SPAG17: variants seen among roughly 807,000 people sequenced by gnomAD.
SPAG17 encodes the protein sperm-associated antigen 17.
Under a neutral mutation model 273.6 loss-of-function variants are expected in SPAG17, and 169 were observed. That is an observed-to-expected ratio of 0.62 (90% confidence interval 0.55 to 0.70). SPAG17 has a LOEUF of 0.70. SPAG17 is among the 30% of genes least tolerant of loss of function. SPAG17 has a pLI of 0.00. For missense variants in SPAG17, 2,557 were observed against 2,627.8 expected (o/e 0.97, Z 0.59); for synonymous variants, 825 against 873.2 (o/e 0.94, Z 0.97).
At chr1:118,123,939 G>C (rs928286582) in intron 3 of SPAG17, among the ~76,000 whole-genome samples, 1 of 152,170 alleles carries the variant, frequency 6.6e-6, no homozygotes, top group African/African-American at 2.4e-5. Context: ...AATTTCCTAC[G>C]GGAGGTGTAC....
intron 4 of SPAG17, among the ~76,000 whole-genome samples, chr1:118,111,481 T>C (rs1656748932): frequency 6.6e-6 from 1 of 151,666 alleles, no homozygotes; most frequent in Admixed American, 6.6e-5. Context: ...TCTGAAGATT[T>C]TAACCACAAC....
rs148831157 is a variant in SPAG17, at chr1:117,984,716, A to T, written c.5736T>A (p.Phe1912Leu). The T allele has an allele frequency of 3.1e-4, 501 of 1,609,018 alleles. 1 individual carries two copies. The African/African-American group carries it at 4.9e-3, about 16-fold the overall frequency. ...GATATAACTGGTTCAATTCAGATTT[A>T]AAAAAGGGTGGTATTATGCGGTTCT... is the stretch of plus-strand genomic sequence containing the variant. Reference protein sequence around the residue: ...DIKNRIIPPFFKSELNQLYQS... With the variant: ...DIKNRIIPPFLKSELNQLYQS... The change falls in exon 41 of 49, where the codon TTT becomes TTA. Residue 1912 changes from phenylalanine (F) to leucine (L), a missense_variant. By Grantham distance (22) the Phe-to-Leu change is conservative. Transcript: ENST00000336338.
chr1:117,978,044 A>G (rs1655329037), intron 43 of SPAG17, among the ~76,000 whole-genome samples: 1 of 152,122 alleles, frequency 6.6e-6, no homozygotes, highest in African/African-American at 2.4e-5. Context: ...CATTTTCAAA[A>G]TCTGTTTCCA....
Position 118,101,762 on chromosome 1 carries a change from GTCT to G in SPAG17, c.609_611del (p.Glu203del). 1 of 1,613,754 alleles carries G rather than the reference GTCT, an allele frequency of 6.2e-7. No homozygotes were observed. On this transcript the variant is annotated inframe_deletion, in exon 5 of 49. Transcript: ENST00000336338. ...GACCAATGTAACGATTGGTGTGGTC[GTCT>G]TCTCCTCTCCGCTTTAACTGGGTGG...
At position 117,998,883 on chromosome 1, in the gene SPAG17, C is replaced by CA. The variant is rs1180364462; in HGVS notation, c.4777-2141dup. On this transcript the variant is annotated intron_variant, in intron 32 of 48. Coordinates refer to ENST00000336338, the MANE Select transcript of SPAG17 (RefSeq NM_206996.4). ...TTAAATTCTAGGGCACATGTGCGTG[C>CA]AGGCTTGATACATAGGTATACATGT... Among the ~76,000 whole-genome samples, 11 of 152,142 alleles carry CA rather than the reference C, an allele frequency of 7.2e-5. No homozygotes were observed. In the East Asian group the frequency reaches 2.1e-3, roughly 30 times the overall value.
Position 118,081,122 on chromosome 1 carries a change from G to T in SPAG17, c.2188C>A (p.Gln730Lys), listed in dbSNP as rs1353505764. ...TTACCCAGAGACTCATGTTGGGGCT[G>T]AGCCTTCATGATGCTCTCCTGCTCT... ...LLEQESIMKAQPQHESLEQTT... is the reference protein window; with the variant it reads ...LLEQESIMKAKPQHESLEQTT... Residue 730 changes from glutamine (Q) to lysine (K), a missense_variant, in exon 15 of 49, where the codon CAG (glutamine) becomes AAG (lysine). Gln to Lys is a moderately conservative substitution (Grantham distance 53). Transcript: ENST00000336338. 2 of 1,613,706 alleles carry T rather than the reference G, an allele frequency of 1.2e-6. No homozygotes were observed. Among genetic ancestry groups the T allele is most frequent in the East Asian group, 4.5e-5 (2 of 44,852 alleles).
intron 37 of SPAG17, 48 bp from the exon 38 acceptor site, chr1:117,990,954 C>G (rs767256392): frequency 4.4e-6 from 5 of 1,133,836 alleles, no homozygotes; most frequent in Non-Finnish European, 6.2e-6. Context: ...ACTTACAAGA[C>G]TTACTTTGTT....
chr1:118,063,396 A>G (rs1652567950), intron 18 of SPAG17, among the ~76,000 whole-genome samples: 1 of 152,244 alleles, frequency 6.6e-6, no homozygotes, highest in Admixed American at 6.5e-5. Context: ...GATATAGATC[A>G]ATGGAACAGA....
chr1:118,031,517 C>T (rs1648463586), intron 25 of SPAG17, among the ~76,000 whole-genome samples, 175 bp downstream of exon 25: 1 of 152,118 alleles, frequency 6.6e-6, no homozygotes, highest in African/African-American at 2.4e-5. Flanking sequence ...GGTAACCCAA[C>T]TTTTGGGTAC....
chr1:118,066,672 C>G, intron 18 of SPAG17, 73 bp downstream of exon 18: 5 of 1,337,592 alleles, frequency 3.7e-6, no homozygotes, highest in Non-Finnish European at 4.2e-6. Context: ...GGAACTAACA[C>G]CTAAGTAACT....
At chr1:117,954,620 G>A in intron 48 of SPAG17, 6 of 1,611,742 alleles carry the variant, frequency 3.7e-6, no homozygotes, top group Non-Finnish European at 4.2e-6. Context: ...GCTTATGGCA[G>A]TATCTCAGTG....
intron 17 of SPAG17, among the ~76,000 whole-genome samples, chr1:118,069,662 T>G (rs986661836): frequency 3.9e-5 from 6 of 152,174 alleles, no homozygotes; most frequent in Non-Finnish European, 8.8e-5. Context: ...AGAGAGATAA[T>G]TTAAAAGATA....
chr1:117,989,936 A>G (rs1656889817), intron 38 of SPAG17, among the ~76,000 whole-genome samples: 1 of 152,148 alleles, frequency 6.6e-6, no homozygotes, highest in African/African-American at 2.4e-5. Flanking sequence ...ACTATAGTGT[A>G]CTTATACTAA....
intron 48 of SPAG17, chr1:117,961,872 C>A (rs989581002): frequency 6.6e-6 from 1 of 152,202 alleles, no homozygotes; most frequent in Non-Finnish European, 1.5e-5. Flanking sequence ...GTTGTTTAGG[C>A]AGCTATTCCT....
intron 1 of SPAG17, among the ~76,000 whole-genome samples, chr1:118,177,469 G>A (rs975774957): frequency 6.6e-6 from 1 of 152,128 alleles, no homozygotes; most frequent in African/African-American, 2.4e-5. Flanking sequence ...TTCAAGGTGA[G>A]ATTTGGTTAG....
chr1:117,954,434 T>A (rs1402731678), intron 48 of SPAG17: 3 of 737,750 alleles, frequency 4.1e-6, no homozygotes, highest in Non-Finnish European at 6.5e-6. Flanking sequence ...ACTAACAGGT[T>A]TGATAATTCT....
intron 1 of SPAG17, among the ~76,000 whole-genome samples, chr1:118,161,817 G>A (rs1258375482): frequency 1.3e-5 from 2 of 152,360 alleles, no homozygotes; most frequent in Non-Finnish European, 2.9e-5. Flanking sequence ...TTACAGGCGT[G>A]AGCCACGGCG....
chr1:118,115,313 C>G lies in SPAG17; in HGVS notation c.444G>C (p.Lys148Asn). The G allele has an allele frequency of 6.2e-7, 1 of 1,613,318 alleles. No individual in the cohort carries two copies. Among genetic ancestry groups the G allele is most frequent in the South Asian group, 1.1e-5 (1 of 91,068 alleles). The change falls in exon 4 of 49, where the codon AAG becomes AAC. Residue 148 changes from lysine (K) to asparagine (N), a missense_variant. Coordinates refer to ENST00000336338, the MANE Select transcript of SPAG17 (RefSeq NM_206996.4). Reference sequence around the variant, plus strand: ...AACCCACCAGATCGTACAGTACCTTCTTTTCATTTTCCCGTCGCTGTTGGT... The same window carrying G: ...AACCCACCAGATCGTACAGTACCTTGTTTTCATTTTCCCGTCGCTGTTGGT... ...FKDQQRRENE[K>N]KVIEDKPKLE...
intron 48 of SPAG17, among the ~76,000 whole-genome samples, chr1:117,958,629 A>G (rs1652562804): frequency 1.3e-5 from 2 of 152,180 alleles, no homozygotes; most frequent in Admixed American, 1.3e-4. Context: ...ACCACTGTCA[A>G]AATCTGTAGC....
Sources: allele counts gnomAD v4.1 joint callset (sites outside exome capture counted in the v4.1 genomes callset), GRCh38; gene constraint gnomAD v4.1.1; transcripts MANE v1.5; gene names NCBI Gene and HGNC (gene_info 2026-07-23, HGNC 2026-07-21).